SLC25A13: variants seen among roughly 807,000 people sequenced by gnomAD.
SLC25A13 encodes the protein solute carrier family 25 member 13.
Under a neutral mutation model 85.5 loss-of-function variants are expected in SLC25A13, and 70 were observed. That is an observed-to-expected ratio of 0.82 (90% CI 0.68 to 1.00). SLC25A13 has a LOEUF of 1.00. Among genes scored for constraint, SLC25A13 ranks in the 50% least tolerant of loss-of-function variants. SLC25A13 has a pLI of 0.00. For synonymous variants in SLC25A13, 259 were observed against 288.7 expected (o/e 0.90, Z 1.04); for missense variants, 765 against 819.8 (o/e 0.93, Z 0.82).
intron 3 of SLC25A13, among the ~76,000 whole-genome samples, chr7:96,273,420 T>C (rs895305680): frequency 6.6e-6 from 1 of 152,166 alleles, no homozygotes; most frequent in Non-Finnish European, 1.5e-5. Context: ...TCTAGTATAT[T>C]TAAATATGGA....
chr7:96,121,124 T>C lies in SLC25A13; in HGVS notation c.*67A>G, dbSNP rs1031512756. The C allele has an allele frequency of 2.6e-6, 4 of 1,541,836 alleles. No homozygotes were observed. The highest frequency in any genetic ancestry group is 2.2e-5 in the South Asian group (2 of 89,436). On this transcript the variant is annotated 3_prime_UTR_variant, in exon 18 of 18. Transcript: ENST00000265631. ...GTAAAAGGGATGAAGCATTGCTTCA[T>C]TCCCAGGAGGGATGTTCTTTACTGC...
intron 1 of SLC25A13, among the ~76,000 whole-genome samples, chr7:96,311,637 T>C (rs1457510105): frequency 6.6e-6 from 1 of 152,166 alleles, no homozygotes; most frequent in Non-Finnish European, 1.5e-5. Context: ...AAACCAACTA[T>C]AAAAACTGTA....
Position 96,234,865 on chromosome 7 carries a change from C to T in SLC25A13, c.265G>A (p.Asp89Asn). Residue 89 changes from aspartate to asparagine, a missense_variant, in exon 4 of 18, where the codon GAT (aspartate) becomes AAT (asparagine). Coordinates refer to ENST00000265631, the MANE Select transcript of SLC25A13 (RefSeq NM_014251.3). ...VAFESVLCAP[D>N]ALFMVAFQLF... is the part of the protein sequence containing the mutation. ...TGAAAGGCTACCATAAACAAAGCAT[C>T]AGGGGCACACAGGACAGATTCAAAG... 1 of 1,613,902 alleles carries T rather than the reference C, an allele frequency of 6.2e-7. No homozygotes were observed.
chr7:96,195,241 T>A (rs1795015735), intron 5 of SLC25A13, among the ~76,000 whole-genome samples: 1 of 152,192 alleles, frequency 6.6e-6, no homozygotes, highest in South Asian at 2.1e-4. Flanking sequence ...CTCTCTTCTA[T>A]GTTCACAGCT....
At chr7:96,169,985 G>A in intron 13 of SLC25A13, 60 bp downstream of exon 13, 10 of 1,500,692 alleles carry the variant, frequency 6.7e-6, no homozygotes, top group Non-Finnish European at 9.3e-6. Context: ...TGTTGACCAT[G>A]GTAGTGATAT....
Position 96,146,688 on chromosome 7 carries a change from G to A in SLC25A13, c.1320C>T (p.Gly440=), listed in dbSNP as rs373629670. ...AEILAGGCAG[G]SQVIFTNPLE... is the part of the protein sequence containing the mutation. ...AAGGATTTGTGAAAATCACCTGGGA[G>A]CCTCCAGCCTAAAAAGAACAAAAAA... The change falls in exon 14 of 18, where the codon GGC becomes GGT. Residue 440 remains glycine (G), a synonymous_variant. Transcript: ENST00000265631. The A allele has an allele frequency of 1.9e-6, 3 of 1,613,946 alleles. No individual in the cohort carries two copies. Among genetic ancestry groups the A allele is most frequent in the African/African-American group, 2.7e-5 (2 of 74,906 alleles).
rs998462682 is a variant in SLC25A13 at position 96,129,121 on chromosome 7, T to A, written c.1591+2622A>T. 3.9e-5 allele frequency among the ~76,000 whole-genome samples: 6 copies of A among 152,226 alleles called. No homozygotes were observed. In the East Asian group the frequency reaches 1.2e-3, roughly 29 times the overall value. ...CATCTTGAAAGTGGCTTCTCCAATG[T>A]CAGTCAAGCCTGGCTGCTACTGTGA... On this transcript the variant is annotated intron_variant, in intron 15 of 17. Coordinates refer to ENST00000265631, the MANE Select transcript of SLC25A13 (RefSeq NM_014251.3).
At chr7:96,235,101 T>A (rs560430700) in intron 3 of SLC25A13, among the ~76,000 whole-genome samples, 184 bp from the exon 4 acceptor site, 9 of 152,304 alleles carry the variant, frequency 5.9e-5, no homozygotes, top group African/African-American at 1.9e-4. Flanking sequence ...ATGCACAGAA[T>A]CTAAAAGACA....
intron 4 of SLC25A13, chr7:96,219,781 A>G (rs753594028): frequency 3.8e-6 from 2 of 531,824 alleles, no homozygotes; most frequent in South Asian, 2.8e-5. Flanking sequence ...ATAATCTGAC[A>G]GATCTATCAA....
At chr7:96,163,573 A>G (rs900684346) in intron 13 of SLC25A13, among the ~76,000 whole-genome samples, 57 of 152,252 alleles carry the variant, frequency 3.7e-4, no homozygotes, top group African/African-American at 1.3e-3. Context: ...ATAGATAATC[A>G]GAACACTTCT....
intron 13 of SLC25A13, among the ~76,000 whole-genome samples, chr7:96,155,456 G>A (rs79386597): frequency 2.6e-3 from 396 of 152,018 alleles, no homozygotes; most frequent in African/African-American, 8.8e-3. Flanking sequence ...TATTCCTATC[G>A]TTCTGCCCTT....
At chr7:96,164,559 G>A (rs1173441481) in intron 13 of SLC25A13, among the ~76,000 whole-genome samples, 2 of 152,192 alleles carry the variant, frequency 1.3e-5, no homozygotes, top group South Asian at 2.1e-4. Context: ...AGTCAACTAA[G>A]TTGTCTAATC....
chr7:96,321,556 G>A (rs1800342683), intron 1 of SLC25A13, among the ~76,000 whole-genome samples: 1 of 152,196 alleles, frequency 6.6e-6, no homozygotes, highest in Non-Finnish European at 1.5e-5. Context: ...AACAACCAGC[G>A]GGGTCAGGAG....
At chr7:96,174,667 T>C (rs1417354824) in intron 11 of SLC25A13, among the ~76,000 whole-genome samples, 2 of 152,242 alleles carry the variant, frequency 1.3e-5, no homozygotes, top group Admixed American at 1.3e-4. Flanking sequence ...ATTTAAATGA[T>C]GAACTCTTGT....
At chr7:96,269,726 G>C (rs1798161437) in intron 3 of SLC25A13, among the ~76,000 whole-genome samples, 1 of 152,210 alleles carries the variant, frequency 6.6e-6, no homozygotes, top group Non-Finnish European at 1.5e-5. Flanking sequence ...GCCCATTACA[G>C]ATGAACGGAT....
intron 3 of SLC25A13, among the ~76,000 whole-genome samples, chr7:96,257,458 A>AATCT (rs1458371669): frequency 6.6e-6 from 1 of 152,240 alleles, no homozygotes; most frequent in Non-Finnish European, 1.5e-5. Flanking sequence ...TAAACTAGAA[A>AATCT]ATCTAGAAGA....
chr7:96,174,983 G>A (rs901318325), intron 11 of SLC25A13, among the ~76,000 whole-genome samples: 4 of 152,136 alleles, frequency 2.6e-5, no homozygotes, highest in Non-Finnish European at 5.9e-5. Context: ...GTGCCTCCCC[G>A]CTAAGAAGCT....
At chr7:96,171,430 T>C (rs1406303356) in intron 12 of SLC25A13, 42 bp downstream of exon 12, 2 of 1,563,776 alleles carry the variant, frequency 1.3e-6, no homozygotes, top group Non-Finnish European at 1.8e-6. Context: ...CTTGAGTATG[T>C]ACAAAATCCC....
chr7:96,298,707 A>C (rs1304870954), intron 1 of SLC25A13, among the ~76,000 whole-genome samples: 1 of 152,230 alleles, frequency 6.6e-6, no homozygotes, highest in Non-Finnish European at 1.5e-5. Context: ...CGCTGGGATT[A>C]CAGGCATGAG....
Sources: allele counts gnomAD v4.1 joint callset (sites outside exome capture counted in the v4.1 genomes callset), GRCh38; gene constraint gnomAD v4.1.1; transcripts MANE v1.5; gene names NCBI Gene and HGNC (gene_info 2026-07-23, HGNC 2026-07-21).